The following TRDMT1 variants were observed in gnomAD, a reference collection of about 807,000 sequenced individuals.
The protein encoded by TRDMT1 is tRNA (cytosine(38)-C(5))-methyltransferase.
In TRDMT1, 49 loss-of-function variants were observed where a neutral mutation model predicts 51.2. The observed-to-expected ratio is 0.96, with a 90% CI of 0.76 to 1.21. The LOEUF (loss-of-function observed/expected upper bound fraction) is 1.21, where lower values mean the gene tolerates loss of function less well. Among genes scored for constraint, TRDMT1 ranks in the 50% most tolerant of loss-of-function variants. The pLI is 0.00. For missense variants in TRDMT1, 534 were observed against 462.3 expected, an observed-to-expected ratio of 1.16 and a Z score of -1.42; for synonymous variants, 187 against 164.6, an observed-to-expected ratio of 1.14 and a Z score of -1.04.
chr10:17,145,436 G>A lies in TRDMT1; in HGVS notation c.*3604C>T, dbSNP rs1028196236. On this transcript the variant is annotated 3_prime_UTR_variant, in exon 11 of 11. Transcript: ENST00000377799. ...GGAAGAGATTAACTAGTAGACAGAGGTCCAAAGGCCATGTCTTTAAAAATT... is the reference window on the plus strand; with the variant it reads ...GGAAGAGATTAACTAGTAGACAGAGATCCAAAGGCCATGTCTTTAAAAATT... 1.0e-6 allele frequency: 1 copy of A among 985,262 alleles called. No homozygotes were observed. Among genetic ancestry groups the A allele is most frequent in the Non-Finnish European group, 1.2e-6 (1 of 829,926 alleles). The allele number at this position is 985,262 out of a possible 1,614,324, so 61.0% of individuals were successfully genotyped here.
chr10:17,158,408 T>C (rs1488658104), intron 7 of TRDMT1, among the ~76,000 whole-genome samples: 3 of 152,146 alleles, frequency 2.0e-5, no homozygotes, highest in Non-Finnish European at 2.9e-5. Context: ...CTTAATACAA[T>C]GTGTAAGGTA....
chr10:17,198,306 C>A (rs1213123643), intron 1 of TRDMT1, among the ~76,000 whole-genome samples: 1 of 152,118 alleles, frequency 6.6e-6, no homozygotes, highest in Non-Finnish European at 1.5e-5. Flanking sequence ...TAGGTCTATA[C>A]CCCAAAACTT....
At chr10:17,185,295 T>C (rs1277004640) in intron 1 of TRDMT1, among the ~76,000 whole-genome samples, 2 of 152,330 alleles carry the variant, frequency 1.3e-5, no homozygotes, top group East Asian at 3.9e-4. Context: ...AAGACATTTA[T>C]GCAGCCAAAA....
chr10:17,148,901 T>TA lies in TRDMT1; in HGVS notation c.*138dup, dbSNP rs1193520210. 2 of 1,288,454 alleles carry TA rather than the reference T, an allele frequency of 1.6e-6. No homozygotes were observed. The highest frequency in any genetic ancestry group is 1.5e-5 in the African/African-American group (1 of 66,174). 79.8% of individuals were successfully genotyped at this position (1,288,454 alleles called of 1,614,324 possible). On this transcript the variant is annotated 3_prime_UTR_variant, in exon 11 of 11. Coordinates refer to ENST00000377799, the MANE Select transcript of TRDMT1 (RefSeq NM_004412.7). ...TGATGAAACACATGGATTTTTTTAA[T>TA]AAAATCCAAATTTCTTAATAAGGAC...
chr10:17,196,644 T>C lies in TRDMT1; in HGVS notation c.64+4927A>G, dbSNP rs113028560. Among the ~76,000 whole-genome samples the C allele has an allele frequency of 8.7e-3, 1,319 of 152,330 alleles. 22 individuals carry two copies. The highest frequency in any genetic ancestry group is 0.029 in the African/African-American group (1,216 of 41,562). ...GTCAAATATGTATTTAAAAATGTAA[T>C]AGACATTGTTATACTGTGGCCATCT... On this transcript the variant is annotated intron_variant, in intron 1 of 10. Transcript: ENST00000377799.
chr10:17,169,379 G>C (rs1841660345), intron 2 of TRDMT1: 1 of 1,267,606 alleles, frequency 7.9e-7, no homozygotes, highest in Non-Finnish European at 1.0e-6. Flanking sequence ...ATATACATCT[G>C]TTAATATATT....
At chr10:17,200,954 A>T (rs949376346) in intron 1 of TRDMT1, among the ~76,000 whole-genome samples, 1 of 152,218 alleles carries the variant, frequency 6.6e-6, no homozygotes, top group Admixed American at 6.5e-5. Context: ...TTCACGAAGT[A>T]GCCCAACGTC....
In TRDMT1 at chr10:17,162,247, T is replaced by C. The variant is rs1368896663; in HGVS notation, c.252-10A>G. On this transcript the variant is annotated splice_polypyrimidine_tract_variant and intron_variant, in intron 3 of 10. Transcript: ENST00000377799. ...ACCCTGCCGGCCAATCCTAAAGGGGTAAAAAAAAAAAAAAACAAAAAAAAA... is the reference window on the plus strand; with the variant it reads ...ACCCTGCCGGCCAATCCTAAAGGGGCAAAAAAAAAAAAAAACAAAAAAAAA... 4.4e-6 allele frequency: 6 copies of C among 1,352,664 alleles called. No individual in the cohort carries two copies. The highest frequency in any genetic ancestry group is 6.0e-6 in the Non-Finnish European group (6 of 1,004,880). The allele number at this position is 1,352,664 out of a possible 1,614,324, so 83.8% of individuals were successfully genotyped here.
chr10:17,159,288 T>G, intron 6 of TRDMT1, 59 bp from the exon 7 acceptor site: 1 of 1,263,702 alleles, frequency 7.9e-7, no homozygotes. Context: ...GGTACCAACT[T>G]TAGCACCAAG....
rs1837860075 is a variant in TRDMT1 at position 17,143,624 on chromosome 10, GTT to G, written c.*5414_*5415del. 4 of 985,444 alleles carry G rather than the reference GTT, an allele frequency of 4.1e-6. No individual in the cohort carries two copies. The highest frequency in any genetic ancestry group is 4.8e-6 in the Non-Finnish European group (4 of 829,930). 61.0% of individuals were successfully genotyped at this position (985,444 alleles called of 1,614,324 possible). A position where few individuals can be genotyped will look rare whatever the true frequency, so the allele number is the denominator to read the frequency against. ...GCTCAAATCTGTTAAATGTTGACAT[GTT>G]TAACCAAGCACACAAATATGATTGC... On this transcript the variant is annotated 3_prime_UTR_variant, in exon 11 of 11. Transcript: ENST00000377799.
Position 17,142,439 on chromosome 10 carries a change from T to C in TRDMT1, c.*6601A>G, listed in dbSNP as rs551071567. The C allele has an allele frequency of 3.3e-5, 5 of 152,304 alleles. No homozygotes were observed. The East Asian group carries it at 7.7e-4, about 24-fold the overall frequency. The allele number at this position is 152,304 out of a possible 1,614,324, so 9.4% of individuals were successfully genotyped here. A position where few individuals can be genotyped will look rare whatever the true frequency, so the allele number is the denominator to read the frequency against. On this transcript the variant is annotated 3_prime_UTR_variant, in exon 11 of 11. Coordinates refer to ENST00000377799, the MANE Select transcript of TRDMT1 (RefSeq NM_004412.7). ...CGAATGGTCCTTCATGATGCTACTT[T>C]AGGGAAAGAAGGATTTTCTCCCAAG...
At chr10:17,177,876 C>A (rs2131539971) in intron 1 of TRDMT1, among the ~76,000 whole-genome samples, 1 of 151,764 alleles carries the variant, frequency 6.6e-6, no homozygotes, top group South Asian at 2.1e-4. Context: ...ACTTTCCTAA[C>A]CAAATAAATA....
At chr10:17,183,325 G>A (rs1843501674) in intron 1 of TRDMT1, among the ~76,000 whole-genome samples, 1 of 152,096 alleles carries the variant, frequency 6.6e-6, no homozygotes, top group Non-Finnish European at 1.5e-5. Flanking sequence ...GCTATCCCCT[G>A]GTGGTGAGAT....
chr10:17,161,278 A>G (rs1054065660), intron 5 of TRDMT1, among the ~76,000 whole-genome samples: 1 of 152,218 alleles, frequency 6.6e-6, no homozygotes, highest in Non-Finnish European at 1.5e-5. Flanking sequence ...TCAAAATAGA[A>G]GAGAATCAGT....
chr10:17,143,929 G>T lies in TRDMT1; in HGVS notation c.*5111C>A, dbSNP rs1025194388. 1.1e-5 allele frequency: 11 copies of T among 985,266 alleles called. No individual in the cohort carries two copies. The highest frequency in any genetic ancestry group is 1.3e-5 in the Non-Finnish European group (11 of 829,936). 61.0% of individuals were successfully genotyped at this position (985,266 alleles called of 1,614,324 possible). On this transcript the variant is annotated 3_prime_UTR_variant, in exon 11 of 11. Transcript: ENST00000377799. ...AGCATGCTAAATTTGATGCAAATCC[G>T]ATACAACTTGAATAGCAAGATATCC...
rs865783902 is a variant in TRDMT1, at chr10:17,198,926, A to C, written c.64+2645T>G. On this transcript the variant is annotated intron_variant, in intron 1 of 10. Coordinates refer to ENST00000377799, the MANE Select transcript of TRDMT1 (RefSeq NM_004412.7). The stretch of plus-strand genomic sequence containing the variant: ...ATTATTTAATGTATAGATCCAAGGA[A>C]GTTAGTAGTTCTAACCAGAACAACG... Among the ~76,000 whole-genome samples, 3 of 152,328 alleles carry C rather than the reference A, an allele frequency of 2.0e-5. No homozygotes were observed. The Middle Eastern group carries it at 0.01, about 518-fold the overall frequency.
intron 8 of TRDMT1, 50 bp downstream of exon 8, chr10:17,157,390 TA>T (rs763755842): frequency 2.7e-6 from 4 of 1,455,620 alleles, no homozygotes; most frequent in Non-Finnish European, 3.7e-6. Flanking sequence ...ACAATAGCTT[TA>T]AAAAACCTGG....
At chr10:17,183,523 T>G (rs1843527743) in intron 1 of TRDMT1, among the ~76,000 whole-genome samples, 1 of 152,180 alleles carries the variant, frequency 6.6e-6, no homozygotes, top group Admixed American at 6.5e-5. Context: ...GTTCAAGTGA[T>G]TCTTCTGCTT....
intron 1 of TRDMT1, among the ~76,000 whole-genome samples, chr10:17,175,702 A>C (rs1243301317): frequency 1.3e-5 from 2 of 150,800 alleles, no homozygotes; most frequent in Non-Finnish European, 2.9e-5. Context: ...TGGTGTGAGG[A>C]ACTAGGACTC....
Sources: gnomAD v4.1 joint callset for allele counts (sites outside exome capture counted in the v4.1 genomes callset) on GRCh38, gnomAD v4.1.1 for gene constraint, MANE v1.5 for transcripts, NCBI Gene and HGNC (gene_info 2026-07-23, HGNC 2026-07-21) for gene names.